DNAH2: variants seen among roughly 807,000 people sequenced by gnomAD.
The protein encoded by DNAH2 is axonemal beta dynein heavy chain 2.
A neutral mutation model predicts 523.5 loss-of-function variants in DNAH2; 323 were observed. That is an observed-to-expected ratio of 0.62 (90% CI 0.56 to 0.68). DNAH2 has a LOEUF of 0.68. DNAH2 is among the 30% of genes least tolerant of loss of function. DNAH2 has a pLI of 0.00. For missense variants in DNAH2, 4,907 were observed against 5,701.5 expected, an observed-to-expected ratio of 0.86 and a Z score of 4.49; for synonymous variants, 2,093 against 2,177.4, an observed-to-expected ratio of 0.96 and a Z score of 1.08.
intron 20 of DNAH2, among the ~76,000 whole-genome samples, chr17:7,764,700 A>G (rs1474469327): frequency 2.0e-5 from 3 of 150,496 alleles, no homozygotes; most frequent in Non-Finnish European, 4.4e-5. Flanking sequence ...GAACTCAAGC[A>G]ATCTGCTGAC....
rs867892324 is a variant in DNAH2, at chr17:7,740,490, C to T, written c.1447C>T (p.Arg483Trp). 1.9e-6 allele frequency: 3 copies of T among 1,614,186 alleles called. No individual in the cohort carries two copies. The highest frequency in any genetic ancestry group is 2.2e-5 in the East Asian group (1 of 44,874). The change falls in exon 10 of 86, where the codon CGG becomes TGG. Residue 483 changes from arginine (R) to tryptophan (W), a missense_variant. Arg to Trp is a moderately radical substitution (Grantham distance 101). Around this residue, in one of 3 missense-constraint regions of DNAH2, gnomAD observed 2,806 missense variants for 3,190.8 expected, o/e 0.88. Transcript: ENST00000572933. Reference sequence around the variant, plus strand: ...GATCACCTCAGCCTTCGAGTTGGTGCGGGACGTGCCGCACGGCGTGCTTCT... The same window carrying T: ...GATCACCTCAGCCTTCGAGTTGGTGTGGGACGTGCCGCACGGCGTGCTTCT... Reference protein sequence around the residue: ...NLITSAFELVRDVPHGVLLLD... With the variant: ...NLITSAFELVWDVPHGVLLLD...
chr17:7,795,122 A>G (rs1330357115), intron 49 of DNAH2, among the ~76,000 whole-genome samples: 3 of 152,134 alleles, frequency 2.0e-5, no homozygotes, highest in Non-Finnish European at 2.9e-5. Flanking sequence ...TCCCAGGGGA[A>G]CAGGGAAGGT....
Position 7,763,822 on chromosome 17 carries a change from C to T in DNAH2, c.2979-9C>T. ...ACAACATCCTAGCTGGGATCTGGGG[C>T]TCTTGCAGCTACACGGAAGTTGCTA... is the stretch of plus-strand genomic sequence containing the variant. On this transcript the variant is annotated splice_polypyrimidine_tract_variant and intron_variant, in intron 18 of 85. Coordinates refer to ENST00000572933, the MANE Select transcript of DNAH2 (RefSeq NM_020877.5). The T allele has an allele frequency of 6.2e-7, 1 of 1,613,830 alleles. No homozygotes were observed. The highest frequency in any genetic ancestry group is 8.5e-7 in the Non-Finnish European group (1 of 1,179,994).
At position 7,816,606 on chromosome 17, in the gene DNAH2, T is replaced by C. The variant is rs142284666; in HGVS notation, c.9765T>C (p.Tyr3255=). Residue 3255 remains tyrosine, a synonymous_variant, in exon 64 of 86, where the codon TAT becomes TAC. Transcript: ENST00000572933. ...AEKLEMLKKQ[Y]DEKLAQKEEL... The stretch of plus-strand genomic sequence containing the variant: ...AACTGGAGATGCTAAAGAAACAGTA[T>C]GATGAGAAGCTGGCACAGAAGGAGG... 5.2e-4 allele frequency: 845 copies of C among 1,614,170 alleles called. 3 individuals are homozygous for C. Among genetic ancestry groups the C allele is most frequent in the Middle Eastern group, 6.6e-4 (4 of 6,062 alleles).
At position 7,734,694 on chromosome 17, in the gene DNAH2, G is replaced by A. The variant is rs2075092136; in HGVS notation, c.964G>A (p.Ala322Thr). 5 of 1,612,348 alleles carry A rather than the reference G, an allele frequency of 3.1e-6. No individual in the cohort carries two copies. In the East Asian group the frequency reaches 1.1e-4, roughly 36 times the overall value. ...SSYLAPFMKLAQQIQDGSRQA... is the reference protein window; with the variant it reads ...SSYLAPFMKLTQQIQDGSRQA... Reference sequence around the variant, plus strand: ...CTACTTGGCGCCCTTTATGAAACTGGCACAGCAGATCCAGGTTTGTGAGCG... The same window carrying A: ...CTACTTGGCGCCCTTTATGAAACTGACACAGCAGATCCAGGTTTGTGAGCG... Residue 322 changes from alanine (A) to threonine (T), a missense_variant, in exon 7 of 86, where the codon GCA becomes ACA. By Grantham distance (58) the Ala-to-Thr change is moderately conservative. This residue lies in a region of DNAH2 where 2,806 missense variants were observed against 3,190.8 expected (regional missense o/e 0.88). Transcript: ENST00000572933.
intron 4 of DNAH2, among the ~76,000 whole-genome samples, chr17:7,732,484 T>C (rs1312806081): frequency 7.6e-6 from 1 of 131,990 alleles, no homozygotes; most frequent in Non-Finnish European, 1.7e-5. Context: ...AAAAAAGCAC[T>C]AAAAAACCCA....
At position 7,727,031 on chromosome 17, in the gene DNAH2, A is replaced by G. The variant is rs1027392188; in HGVS notation, c.229-91A>G. The G allele has an allele frequency of 5.8e-6, 8 of 1,381,548 alleles. No homozygotes were observed. The Admixed American group carries it at 1.4e-4, about 25-fold the overall frequency. The allele number at this position is 1,381,548 out of a possible 1,614,324, so 85.6% of individuals were successfully genotyped here. A position where few individuals can be genotyped will look rare whatever the true frequency, so the allele number is the denominator to read the frequency against. On this transcript the variant is annotated intron_variant, in intron 3 of 85. Coordinates refer to ENST00000572933, the MANE Select transcript of DNAH2 (RefSeq NM_020877.5). The stretch of plus-strand genomic sequence containing the variant: ...ATTCTGAACCTGTCTGGCTTCTCTC[A>G]TCTCCCATGTCCTCACTTGTGATTG...
Position 7,768,220 on chromosome 17 carries a change from G to C in DNAH2, c.3894G>C (p.Arg1298Ser), listed in dbSNP as rs776592803. 14 of 1,614,026 alleles carry C rather than the reference G, an allele frequency of 8.7e-6. No individual in the cohort carries two copies. The South Asian group carries it at 1.4e-4, about 16-fold the overall frequency. Reference protein sequence around the residue: ...TTRSKIEQFKRTMPLISDLRN... With the variant: ...TTRSKIEQFKSTMPLISDLRN... Reference sequence around the variant, plus strand: ...GCTCAAAAATAGAGCAGTTCAAGAGGACCATGCCTCTCATCTCAGACCTGC... The same window carrying C: ...GCTCAAAAATAGAGCAGTTCAAGAGCACCATGCCTCTCATCTCAGACCTGC... The change falls in exon 24 of 86, where the codon AGG (arginine) becomes AGC (serine). Residue 1298 changes from arginine to serine, a missense_variant. This residue lies in a region of DNAH2 where 2,806 missense variants were observed against 3,190.8 expected (regional missense o/e 0.88). Coordinates refer to ENST00000572933, the MANE Select transcript of DNAH2 (RefSeq NM_020877.5).
At chr17:7,771,564 C>T in intron 28 of DNAH2, 96 bp downstream of exon 28, 1 of 1,363,086 alleles carries the variant, frequency 7.3e-7, no homozygotes, top group Non-Finnish European at 1.0e-6. Context: ...CTGATGCCCC[C>T]AGCTCTCCTA....
rs78552988 is a variant in DNAH2 at position 7,742,837 on chromosome 17, C to T, written c.1690-91C>T. 2.7e-3 allele frequency: 2,341 copies of T among 876,404 alleles called. 33 individuals carry two copies. In the African/African-American group the frequency reaches 0.033, roughly 12 times the overall value. 54.3% of individuals were successfully genotyped at this position (876,404 alleles called of 1,614,324 possible). A position where few individuals can be genotyped will look rare whatever the true frequency, so the allele number is the denominator to read the frequency against. On this transcript the variant is annotated intron_variant, in intron 11 of 85. Coordinates refer to ENST00000572933, the MANE Select transcript of DNAH2 (RefSeq NM_020877.5). ...CTTATGCATATTGTTGGGGTATGTG[C>T]GCATGCGCGCATGTGTAGGTCTCAG...
chr17:7,793,032 A>C lies in DNAH2; in HGVS notation c.7396A>C (p.Thr2466Pro). 1 of 1,614,070 alleles carries C rather than the reference A, an allele frequency of 6.2e-7. No homozygotes were observed. The highest frequency in any genetic ancestry group is 1.1e-5 in the South Asian group (1 of 91,076). ...CATTGAGAGCAGGGTTGAGAAGCGA[A>C]CCAAGGGTGTCTACGTGCCATTCGG... ...SIIESRVEKR[T>P]KGVYVPFGGK... The change falls in exon 48 of 86, where the codon ACC (threonine) becomes CCC (proline). Residue 2466 changes from threonine (T) to proline (P), a missense_variant. Thr to Pro is a conservative substitution (Grantham distance 38, BLOSUM62 -1). This residue lies in a region of DNAH2 where 2,806 missense variants were observed against 3,190.8 expected (regional missense o/e 0.88). Transcript: ENST00000572933.
rs1361892279 is a variant in DNAH2 at position 7,828,334 on chromosome 17, T to C, written c.11854-1966T>C. ...ATTCTTGACCTTTTATTCTTCAATA[T>C]AAATTTTAGAATTTGTTTGTTCTAT... is the stretch of plus-strand genomic sequence containing the variant. On this transcript the variant is annotated intron_variant, in intron 77 of 85. Coordinates refer to ENST00000572933, the MANE Select transcript of DNAH2 (RefSeq NM_020877.5). This position sits in a 1 kb window ranked among gnomAD's most constrained non-coding sequence, Gnocchi z 4.1. Among the ~76,000 whole-genome samples the C allele has an allele frequency of 6.6e-6, 1 of 152,214 alleles. No homozygotes were observed. Among genetic ancestry groups the C allele is most frequent in the Non-Finnish European group, 1.5e-5 (1 of 68,044 alleles).
intron 39 of DNAH2, among the ~76,000 whole-genome samples, chr17:7,781,908 T>A (rs1479831026): frequency 6.6e-6 from 1 of 152,218 alleles, no homozygotes; most frequent in African/African-American, 2.4e-5. Context: ...GCATAAGAAC[T>A]TTCTTCTCTG....
intron 4 of DNAH2, among the ~76,000 whole-genome samples, chr17:7,729,418 G>A (rs1251983664): frequency 6.6e-6 from 1 of 151,588 alleles, no homozygotes; most frequent in Non-Finnish European, 1.5e-5. Flanking sequence ...AGAGAGAGGA[G>A]GAGCCTAGGT....
At position 7,831,740 on chromosome 17, in the gene DNAH2, A is replaced by G. The variant is rs151326657; in HGVS notation, c.12691A>G (p.Ile4231Val). Residue 4231 changes from isoleucine (I) to valine (V), a missense_variant, in exon 82 of 86, where the codon ATC (isoleucine) becomes GTC (valine). Around this residue, in one of 3 missense-constraint regions of DNAH2, gnomAD observed 1,851 missense variants for 2,139.4 expected, o/e 0.87. Coordinates refer to ENST00000572933, the MANE Select transcript of DNAH2 (RefSeq NM_020877.5). This position sits in a 1 kb window ranked among gnomAD's most constrained non-coding sequence, Gnocchi z 4.2. Reference protein sequence around the residue: ...STSLEEIFNCIFDAHVPPLWG... With the variant: ...STSLEEIFNCVFDAHVPPLWG... ...AAGCCTGGAAGAGATTTTCAATTGC[A>G]TCTTTGATGCCCATGTTCCTCCGCT... 2.7e-5 allele frequency: 43 copies of G among 1,613,984 alleles called. No homozygotes were observed. Among genetic ancestry groups the G allele is most frequent in the Non-Finnish European group, 3.4e-5 (40 of 1,180,030 alleles).
chr17:7,727,454 C>T (rs551197380), intron 4 of DNAH2, among the ~76,000 whole-genome samples, 162 bp downstream of exon 4: 8 of 152,212 alleles, frequency 5.3e-5, no homozygotes, highest in Admixed American at 2.6e-4. Context: ...AGAAGGATGA[C>T]GCAAGAACGC....
intron 3 of DNAH2, among the ~76,000 whole-genome samples, chr17:7,725,153 G>A (rs1393642494): frequency 1.3e-5 from 2 of 151,820 alleles, no homozygotes; most frequent in South Asian, 2.1e-4. Context: ...GCAGTGGCAC[G>A]ATCTGGGCTC....
At chr17:7,722,780 C>T (rs2074657827) in intron 2 of DNAH2, among the ~76,000 whole-genome samples, 1 of 152,082 alleles carries the variant, frequency 6.6e-6, no homozygotes, top group Non-Finnish European at 1.5e-5. Flanking sequence ...TTTATCCATT[C>T]CTCTGTTAGA....
In DNAH2 at chr17:7,828,265, A is replaced by G. The variant is rs1426338466; in HGVS notation, c.11854-2035A>G. Among the ~76,000 whole-genome samples, 1 of 152,070 alleles carries G rather than the reference A, an allele frequency of 6.6e-6. No individual in the cohort carries two copies. The highest frequency in any genetic ancestry group is 1.9e-4 in the East Asian group (1 of 5,204). ...CCATATAGCTTTATAATAATTCTTG[A>G]TGGCTGGTAAGGCACATCTTCTTAC... On this transcript the variant is annotated intron_variant, in intron 77 of 85. Transcript: ENST00000572933. This position sits in a 1 kb window ranked among gnomAD's most constrained non-coding sequence, Gnocchi z 4.1.
Sources: allele counts gnomAD v4.1 joint callset (sites outside exome capture counted in the v4.1 genomes callset), GRCh38; gene constraint gnomAD v4.1.1; regional missense constraint gnomAD v4.1.1; non-coding constraint Gnocchi (gnomAD v3.1); transcripts MANE v1.5; gene names NCBI Gene and HGNC (gene_info 2026-07-23, HGNC 2026-07-21).